MUC20: variants seen among roughly 807,000 people sequenced by gnomAD.
The protein encoded by MUC20 is mucin-20.
Under a neutral mutation model 23.8 loss-of-function variants are expected in MUC20, and 14 were observed. The ratio of observed to expected loss-of-function variants is 0.59; its 90% CI spans 0.39 to 0.92. The LOEUF is 0.92. MUC20 is among the 40% of genes least tolerant of loss of function. The pLI, the probability that MUC20 is intolerant of heterozygous loss-of-function variation, is 0.00. For synonymous variants in MUC20, 166 were observed against 279.3 expected (o/e 0.59, Z 4.04); for missense variants, 375 against 668.8 (o/e 0.56, Z 4.85).
At chr3:195,731,560 A>T (rs1713390917) in intron 3 of MUC20, among the ~76,000 whole-genome samples, 1 of 152,246 alleles carries the variant, frequency 6.6e-6, no homozygotes, top group African/African-American at 2.4e-5. Context: ...AGACAGTGGG[A>T]TCAGGCTGGC....
intron 2 of MUC20, among the ~76,000 whole-genome samples, chr3:195,728,111 C>T (rs1299985085): frequency 6.6e-6 from 1 of 151,164 alleles, no homozygotes; most frequent in African/African-American, 2.5e-5. Flanking sequence ...AAGGGGTGGC[C>T]TGCCCCTCCA....
At chr3:195,731,655 A>G (rs376057376) in intron 3 of MUC20, among the ~76,000 whole-genome samples, 3 of 152,262 alleles carry the variant, frequency 2.0e-5, no homozygotes, top group African/African-American at 4.8e-5. Context: ...ACACATTCAC[A>G]TAGGTTCTCG....
chr3:195,733,391 C>T lies in MUC20; in HGVS notation c.*173C>T, dbSNP rs1004535687. The T allele has an allele frequency of 2.8e-5, 41 of 1,460,562 alleles. No individual in the cohort carries two copies. The highest frequency in any genetic ancestry group is 1.2e-4 in the Admixed American group (5 of 40,272). 90.5% of individuals were successfully genotyped at this position (1,460,562 alleles called of 1,614,324 possible). ...ACCCCAGATGTGGCAACAGGACCCT[C>T]GCTCACATCCACCGGAGTGTATGTG... On this transcript the variant is annotated 3_prime_UTR_variant, in exon 4 of 4. Coordinates refer to ENST00000447234, the MANE Select transcript of MUC20 (RefSeq NM_001282506.2).
chr3:195,728,345 A>C (rs1253720641), intron 2 of MUC20, among the ~76,000 whole-genome samples: 6 of 152,290 alleles, frequency 3.9e-5, no homozygotes, highest in African/African-American at 1.4e-4. Context: ...TAATAAGGAG[A>C]AGGTCAGCAA....
At chr3:195,731,747 G>A (rs1713406759) in intron 3 of MUC20, among the ~76,000 whole-genome samples, 1 of 152,258 alleles carries the variant, frequency 6.6e-6, no homozygotes, top group Admixed American at 6.5e-5. Flanking sequence ...CTTAGCCCTT[G>A]TACTCCCATG....
intron 2 of MUC20, among the ~76,000 whole-genome samples, chr3:195,728,855 A>C (rs1200110945): frequency 6.6e-5 from 10 of 152,186 alleles, no homozygotes; most frequent in Non-Finnish European, 1.5e-5. Context: ...GATGACTTCT[A>C]CCAAGTATAC....
intron 2 of MUC20, among the ~76,000 whole-genome samples, chr3:195,729,052 A>G (rs1047472917): frequency 1.2e-3 from 183 of 152,372 alleles, no homozygotes; most frequent in African/African-American, 4.3e-3. Flanking sequence ...TTTCCTTTCT[A>G]CAGAGACACA....
chr3:195,732,458 C>T (rs1306287270), intron 3 of MUC20, among the ~76,000 whole-genome samples: 2 of 152,220 alleles, frequency 1.3e-5, no homozygotes, highest in African/African-American at 2.4e-5. Flanking sequence ...CTCCCGGATT[C>T]AAGCAATTCT....
intron 3 of MUC20, among the ~76,000 whole-genome samples, chr3:195,730,369 G>A (rs564713103): frequency 6.6e-5 from 10 of 152,162 alleles, no homozygotes; most frequent in Admixed American, 4.6e-4. Flanking sequence ...TTTTTGAGAC[G>A]AAGTCTCGCT....
intron 3 of MUC20, 113 bp downstream of exon 3, chr3:195,729,852 T>C: frequency 1.9e-6 from 2 of 1,044,818 alleles, no homozygotes; most frequent in East Asian, 2.6e-5. Flanking sequence ...GAAGGGAGTC[T>C]CGTTTCTTAC....
At chr3:195,732,491 C>G (rs1004921551) in intron 3 of MUC20, among the ~76,000 whole-genome samples, 11 of 152,218 alleles carry the variant, frequency 7.2e-5, no homozygotes, top group African/African-American at 2.4e-4. Flanking sequence ...TCCCTAGTAG[C>G]TGGGATTACA....
intron 2 of MUC20, among the ~76,000 whole-genome samples, chr3:195,726,809 T>C (rs1712738874): frequency 6.6e-6 from 1 of 152,278 alleles, no homozygotes; most frequent in African/African-American, 2.4e-5. Flanking sequence ...CGGTCTCGGC[T>C]CTGCCTGTAA....
At position 195,726,421 on chromosome 3, in the gene MUC20, T is replaced by C. The variant is rs761584464; in HGVS notation, c.1818T>C (p.Pro606=). ...GGCCCTTCCCCACCAGCAGGGACCC[T>C]CTTCCTTCTGTCCCTCCGACTACAA... ...TKGPFPTSRD[P]LPSVPPTTTN... Residue 606 remains proline, a synonymous_variant, in exon 2 of 4, where the codon CCT becomes CCC. Transcript: ENST00000447234. 7.4e-6 allele frequency: 12 copies of C among 1,613,876 alleles called. No individual in the cohort carries two copies. The highest frequency in any genetic ancestry group is 1.0e-5 in the Non-Finnish European group (12 of 1,179,888).
chr3:195,728,235 A>G (rs1277017214), intron 2 of MUC20, among the ~76,000 whole-genome samples: 2 of 152,298 alleles, frequency 1.3e-5, no homozygotes, highest in African/African-American at 2.4e-5. Context: ...TCAGCATACC[A>G]AGGACCTGCA....
At chr3:195,722,907 C>T (rs1284897060) in intron 1 of MUC20, 129 of 581,564 alleles carry the variant, frequency 2.2e-4, no homozygotes, top group Non-Finnish European at 2.7e-4. Context: ...GGGTGCAGCC[C>T]GCACTCCTCA....
rs1216581098 is a variant in MUC20, at chr3:195,727,290, C to G, written c.1969+718C>G. Among the ~76,000 whole-genome samples, 4 of 152,332 alleles carry G rather than the reference C, an allele frequency of 2.6e-5. No individual in the cohort carries two copies. The South Asian group carries it at 8.3e-4, about 32-fold the overall frequency. Reference sequence around the variant, plus strand: ...TGGTGGGCGCCTGTAATCCCAGCTACTTGGGAGACTGAGGCAGGAGAATCA... The same window carrying G: ...TGGTGGGCGCCTGTAATCCCAGCTAGTTGGGAGACTGAGGCAGGAGAATCA... On this transcript the variant is annotated intron_variant, in intron 2 of 3. Transcript: ENST00000447234.
chr3:195,726,199 A>G lies in MUC20; in HGVS notation c.1596A>G (p.Glu532=). The G allele has an allele frequency of 6.2e-7, 1 of 1,610,676 alleles. No individual in the cohort carries two copies. Among genetic ancestry groups the G allele is most frequent in the Non-Finnish European group, 8.5e-7 (1 of 1,177,144 alleles). Reference sequence around the variant, plus strand: ...CAGTTAGCAGGAATCCCCTTGAAGAAACCTCAGCCCTCTCTGTTGAGACAC... The same window carrying G: ...CAGTTAGCAGGAATCCCCTTGAAGAGACCTCAGCCCTCTCTGTTGAGACAC... ...LVTVSRNPLE[E]TSALSVETPS... Residue 532 remains glutamate (E), a synonymous_variant, in exon 2 of 4, where the codon GAA becomes GAG. Coordinates refer to ENST00000447234, the MANE Select transcript of MUC20 (RefSeq NM_001282506.2).
At chr3:195,732,273 T>C (rs1410763892) in intron 3 of MUC20, among the ~76,000 whole-genome samples, 1 of 152,254 alleles carries the variant, frequency 6.6e-6, no homozygotes, top group Non-Finnish European at 1.5e-5. Flanking sequence ...CCTCCCAAAG[T>C]GCTGGGATTA....
chr3:195,732,699 C>T (rs1190760699), intron 3 of MUC20, among the ~76,000 whole-genome samples: 1 of 152,232 alleles, frequency 6.6e-6, no homozygotes, highest in Non-Finnish European at 1.5e-5. Flanking sequence ...GCCCCCAAAC[C>T]AGAAATGATT....
Sources: gnomAD v4.1 joint callset for allele counts (sites outside exome capture counted in the v4.1 genomes callset) on GRCh38, gnomAD v4.1.1 for gene constraint, MANE v1.5 for transcripts, NCBI Gene and HGNC (gene_info 2026-07-23, HGNC 2026-07-21) for gene names.